KCNK2: variants seen among roughly 807,000 people sequenced by gnomAD.
KCNK2 encodes potassium channel subfamily K member 2.
In KCNK2, 21 loss-of-function variants were observed where a neutral mutation model predicts 40.5. The observed-to-expected ratio is 0.52, with a 90% CI of 0.37 to 0.75. KCNK2 has a LOEUF of 0.75. KCNK2 is among the 30% of genes least tolerant of loss of function. The pLI is 0.00. For synonymous variants in KCNK2, 191 were observed against 202.2 expected, an observed-to-expected ratio of 0.94 and a Z score of 0.47; for missense variants, 399 against 531.6, an observed-to-expected ratio of 0.75 and a Z score of 2.45.
intron 1 of KCNK2, among the ~76,000 whole-genome samples, chr1:215,028,017 C>T (rs1053679801): frequency 2.6e-5 from 4 of 152,016 alleles, no homozygotes; most frequent in Admixed American, 1.3e-4. Flanking sequence ...ATTTCTCATT[C>T]CTAAAAATAT....
At chr1:215,122,061 A>G (rs1272938365) in intron 2 of KCNK2, among the ~76,000 whole-genome samples, 1 of 152,194 alleles carries the variant, frequency 6.6e-6, no homozygotes, top group Admixed American at 6.5e-5. Context: ...TGTATACAAC[A>G]GCAATAACCA....
intron 1 of KCNK2, among the ~76,000 whole-genome samples, chr1:215,008,589 A>G (rs867084250): frequency 6.6e-6 from 1 of 152,146 alleles, no homozygotes; most frequent in South Asian, 2.1e-4. Flanking sequence ...ACTTTTTGTG[A>G]AGATTAAATG....
At chr1:215,206,447 AC>A (rs1427001667) in intron 6 of KCNK2, among the ~76,000 whole-genome samples, 1 of 152,218 alleles carries the variant, frequency 6.6e-6, no homozygotes, top group East Asian at 1.9e-4. Context: ...ATTTCCAAGT[AC>A]TATAAAATCT....
chr1:215,008,170 G>A (rs1034010613), intron 1 of KCNK2, among the ~76,000 whole-genome samples: 9 of 151,176 alleles, frequency 6.0e-5, no homozygotes, highest in Non-Finnish European at 1.5e-5. Context: ...TGAAAGCCAA[G>A]TAAGGTATGG....
chr1:215,083,774 T>C (rs776590071), intron 1 of KCNK2: 27 of 385,192 alleles, frequency 7.0e-5, no homozygotes, highest in Admixed American at 3.2e-4. Flanking sequence ...TTGTTGCCCA[T>C]TGCCTGGTGG....
intron 1 of KCNK2, 68 bp from the exon 2 acceptor site, chr1:215,086,300 A>T: frequency 7.5e-7 from 1 of 1,328,566 alleles, no homozygotes; most frequent in Non-Finnish European, 1.1e-6. Flanking sequence ...CTGACCCCTT[A>T]AAGAAGAAGC....
intron 1 of KCNK2, among the ~76,000 whole-genome samples, chr1:215,031,724 T>A (rs1431923883): frequency 6.6e-6 from 1 of 152,236 alleles, no homozygotes; most frequent in Admixed American, 6.5e-5. Context: ...TCATTACTGG[T>A]ATAGAGGATA....
chr1:215,018,277 C>A (rs998287424), intron 1 of KCNK2, among the ~76,000 whole-genome samples: 1 of 152,042 alleles, frequency 6.6e-6, no homozygotes, highest in African/African-American at 2.4e-5. Flanking sequence ...CTAAAAGAAT[C>A]CAAACATCTT....
rs78146392 is a variant in KCNK2, at chr1:215,128,128, G to T, written c.475+3378G>T. On this transcript the variant is annotated intron_variant, in intron 3 of 6. Transcript: ENST00000444842. ...CAACACTTTACATAGATATTGGGTG[G>T]GTAGGTGAGTGAGAAAGAGTTGAGG... Among the ~76,000 whole-genome samples the T allele has an allele frequency of 4.2e-3, 641 of 152,276 alleles. 9 individuals carry two copies. Among genetic ancestry groups the T allele is most frequent in the African/African-American group, 0.014 (601 of 41,558 alleles).
chr1:215,055,750 A>G (rs1284901891), intron 1 of KCNK2, among the ~76,000 whole-genome samples: 1 of 152,218 alleles, frequency 6.6e-6, no homozygotes, highest in Non-Finnish European at 1.5e-5. Context: ...TGTTAGGTCT[A>G]GCAGAGGAAT....
At chr1:215,070,658 T>A (rs1658724307) in intron 1 of KCNK2, among the ~76,000 whole-genome samples, 1 of 152,136 alleles carries the variant, frequency 6.6e-6, no homozygotes, top group Non-Finnish European at 1.5e-5. Context: ...CGTGATTCAA[T>A]TATCTCCCAC....
rs1664936838 is a variant in KCNK2, at chr1:215,198,021, GCAAA to G, written c.963+2938_963+2941del. ...CTCAAACAAACAAACAAACAAACAA[GCAAA>G]CAAACAAAAAAAACAAGGTTGTGTC... On this transcript the variant is annotated intron_variant, in intron 6 of 6. Transcript: ENST00000444842. Among the ~76,000 whole-genome samples, 9 of 141,742 alleles carry G rather than the reference GCAAA, an allele frequency of 6.3e-5. No individual in the cohort carries two copies. In the South Asian group the frequency reaches 2.1e-3, roughly 32 times the overall value. The allele number at this position is 141,742 out of a possible 152,430, so 93.0% of individuals were successfully genotyped here.
chr1:215,054,472 T>G (rs1658089127), intron 1 of KCNK2, among the ~76,000 whole-genome samples: 1 of 152,134 alleles, frequency 6.6e-6, no homozygotes. Context: ...CTGTTCAGTG[T>G]ATAGGGAACT....
At chr1:215,055,819 G>A (rs142354500) in intron 1 of KCNK2, among the ~76,000 whole-genome samples, 66 of 152,308 alleles carry the variant, frequency 4.3e-4, no homozygotes, top group African/African-American at 1.4e-3. Context: ...ACCAATGAAC[G>A]TGGAAATTTA....
At chr1:215,070,991 A>G (rs984574534) in intron 1 of KCNK2, among the ~76,000 whole-genome samples, 3 of 152,214 alleles carry the variant, frequency 2.0e-5, no homozygotes, top group Non-Finnish European at 4.4e-5. Flanking sequence ...AATGTAATTA[A>G]ATTTTTCTAA....
intron 2 of KCNK2, among the ~76,000 whole-genome samples, chr1:215,118,760 G>A (rs1661055518): frequency 1.3e-5 from 2 of 152,072 alleles, no homozygotes; most frequent in African/African-American, 4.8e-5. Flanking sequence ...ATTAAAATAA[G>A]TTGGCATCGA....
At chr1:215,134,894 C>CTATA (rs1005939366) in intron 3 of KCNK2, among the ~76,000 whole-genome samples, 1 of 149,724 alleles carries the variant, frequency 6.7e-6, no homozygotes, top group Non-Finnish European at 1.5e-5. Flanking sequence ...GGATGAAGAC[C>CTATA]TATATATATA....
At chr1:215,148,655 C>A (rs757157350) in intron 3 of KCNK2, among the ~76,000 whole-genome samples, 3 of 152,140 alleles carry the variant, frequency 2.0e-5, no homozygotes, top group Non-Finnish European at 2.9e-5. Flanking sequence ...CTGCTCCCAA[C>A]AAGTTTATGA....
intron 2 of KCNK2, among the ~76,000 whole-genome samples, chr1:215,117,651 C>A (rs551239135): frequency 5.9e-5 from 9 of 152,106 alleles, no homozygotes; most frequent in African/African-American, 2.2e-4. Flanking sequence ...CTAGTGTTAG[C>A]ATTAACTGAG....
Sources: gnomAD v4.1 joint callset for allele counts (sites outside exome capture counted in the v4.1 genomes callset) on GRCh38, gnomAD v4.1.1 for gene constraint, MANE v1.5 for transcripts, NCBI Gene and HGNC (gene_info 2026-07-23, HGNC 2026-07-21) for gene names.